AK9: variants seen among roughly 807,000 people sequenced by gnomAD.
AK9 encodes adenylate kinase 9.
AK9 carries 191 observed loss-of-function variants against 239.6 expected under a neutral mutation model. The ratio of observed to expected loss-of-function variants is 0.80; its 90% CI spans 0.71 to 0.90. The LOEUF is 0.90. Ranked by LOEUF, AK9 falls within the 40% of genes least tolerant of loss-of-function variation. The pLI is 0.00. For synonymous variants in AK9, 689 were observed against 721.0 expected, an observed-to-expected ratio of 0.96 and a Z score of 0.71; for missense variants, 1,995 against 2,214.7, an observed-to-expected ratio of 0.90 and a Z score of 1.99.
chr6:109,507,535 G>A (rs1475653655), intron 33 of AK9, among the ~76,000 whole-genome samples: 1 of 151,974 alleles, frequency 6.6e-6, no homozygotes, highest in East Asian at 1.9e-4. Context: ...AATAGGTTGA[G>A]ATAATGAGAT....
intron 9 of AK9, among the ~76,000 whole-genome samples, chr6:109,643,379 A>G (rs531691447): frequency 2.6e-5 from 4 of 152,328 alleles, no homozygotes; most frequent in East Asian, 1.9e-4. Context: ...CTTAATTCCC[A>G]TATTAAGTTA....
intron 9 of AK9, among the ~76,000 whole-genome samples, chr6:109,642,319 C>G (rs1797554602): frequency 6.6e-6 from 1 of 152,150 alleles, no homozygotes; most frequent in Non-Finnish European, 1.5e-5. Context: ...ATAAAAGAGG[C>G]CAGCACACAG....
rs533167948 is a variant in AK9 at position 109,601,317 on chromosome 6, C to T, written c.1842+9048G>A. Among the ~76,000 whole-genome samples, 534 of 152,244 alleles carry T rather than the reference C, an allele frequency of 3.5e-3. 8 individuals carry two copies. The highest frequency in any genetic ancestry group is 0.012 in the African/African-American group (511 of 41,530). ...GTTTCAAAGAACATCTTTATTTCTG[C>T]TTTCATTTCGTTATGTACCCAGTAG... On this transcript the variant is annotated intron_variant, in intron 17 of 40. Transcript: ENST00000424296.
chr6:109,544,073 C>T (rs1178198559), intron 26 of AK9, among the ~76,000 whole-genome samples: 1 of 152,004 alleles, frequency 6.6e-6, no homozygotes, highest in East Asian at 2.0e-4. Flanking sequence ...GAGCTGAGAT[C>T]ACACCACTGC....
chr6:109,567,260 C>G (rs138981689), intron 21 of AK9, among the ~76,000 whole-genome samples: 4,381 of 152,126 alleles, frequency 0.029, 100 homozygotes, highest in East Asian at 0.11. Flanking sequence ...CACCACTAAT[C>G]CCACAGAAAT....
intron 23 of AK9, 129 bp from the exon 24 acceptor site, chr6:109,563,841 AT>A: frequency 8.2e-7 from 1 of 1,221,510 alleles, no homozygotes; most frequent in Non-Finnish European, 1.1e-6. Context: ...ATGTATGCAA[AT>A]AGGCCTTTAT....
At chr6:109,561,253 G>C (rs563530381) in intron 24 of AK9, among the ~76,000 whole-genome samples, 65 of 150,856 alleles carry the variant, frequency 4.3e-4, no homozygotes, top group African/African-American at 1.5e-3. Flanking sequence ...TGCCCAGCTT[G>C]CCTTCGTTTT....
chr6:109,585,722 A>G (rs1789422303), intron 18 of AK9, among the ~76,000 whole-genome samples, 194 bp downstream of exon 18: 1 of 152,130 alleles, frequency 6.6e-6, no homozygotes, highest in African/African-American at 2.4e-5. Context: ...TAGAACATTC[A>G]ACCATCCGGC....
chr6:109,537,632 C>T (rs1388640410), intron 27 of AK9, among the ~76,000 whole-genome samples: 1 of 150,878 alleles, frequency 6.6e-6, no homozygotes, highest in African/African-American at 2.4e-5. Context: ...TTAGTTATTT[C>T]TTGCCTTCTG....
chr6:109,504,395 G>C (rs1020173845), intron 35 of AK9, among the ~76,000 whole-genome samples: 4 of 152,008 alleles, frequency 2.6e-5, no homozygotes, highest in Non-Finnish European at 5.9e-5. Flanking sequence ...AAGAATACCT[G>C]TTTAAGTTTG....
At chr6:109,534,824 C>T (rs1781760926) in intron 27 of AK9, among the ~76,000 whole-genome samples, 1 of 151,670 alleles carries the variant, frequency 6.6e-6, no homozygotes, top group Non-Finnish European at 1.5e-5. Context: ...TCTCATTGTT[C>T]AATTCCCACC....
chr6:109,565,251 A>T (rs1046862965), intron 21 of AK9, among the ~76,000 whole-genome samples: 1 of 152,116 alleles, frequency 6.6e-6, no homozygotes, highest in Non-Finnish European at 1.5e-5. Context: ...CAGAGGTGGG[A>T]GAATCACTTA....
chr6:109,629,238 C>T (rs907921045), intron 12 of AK9, among the ~76,000 whole-genome samples: 3 of 151,952 alleles, frequency 2.0e-5, no homozygotes, highest in Non-Finnish European at 4.4e-5. Flanking sequence ...GCCACCATGC[C>T]AGCCGATTTT....
chr6:109,616,605 A>G (rs1218030791), intron 13 of AK9, among the ~76,000 whole-genome samples: 1 of 151,790 alleles, frequency 6.6e-6, no homozygotes, highest in African/African-American at 2.4e-5. Context: ...TTGAACTCTT[A>G]GCCTCAAGAG....
chr6:109,579,501 G>A, intron 20 of AK9, 49 bp downstream of exon 20: 1 of 1,489,966 alleles, frequency 6.7e-7, no homozygotes. Flanking sequence ...GCAATTGCTT[G>A]CAGTAACAAT....
chr6:109,515,263 G>A (rs988679247), intron 31 of AK9, among the ~76,000 whole-genome samples: 1 of 152,114 alleles, frequency 6.6e-6, no homozygotes, highest in African/African-American at 2.4e-5. Context: ...ATATTTTTGT[G>A]TAGTTCAAAT....
At chr6:109,629,696 G>C (rs1247743905) in intron 12 of AK9, among the ~76,000 whole-genome samples, 3 of 151,360 alleles carry the variant, frequency 2.0e-5, no homozygotes, top group African/African-American at 4.9e-5. Context: ...GCAGCGGCGC[G>C]ATCTCGGCTC....
chr6:109,604,138 G>A (rs1040881577), intron 17 of AK9, among the ~76,000 whole-genome samples: 7 of 152,108 alleles, frequency 4.6e-5, no homozygotes, highest in African/African-American at 1.2e-4. Flanking sequence ...TTGGAAATGC[G>A]GAAATCACCC....
chr6:109,579,455 A>C, intron 20 of AK9, 95 bp downstream of exon 20: 2 of 1,206,936 alleles, frequency 1.7e-6, no homozygotes, highest in Non-Finnish European at 2.3e-6. Context: ...AAATTGGGAA[A>C]TGTGATCACC....
Sources: allele counts gnomAD v4.1 joint callset (sites outside exome capture counted in the v4.1 genomes callset), GRCh38; gene constraint gnomAD v4.1.1; transcripts MANE v1.5; gene names NCBI Gene and HGNC (gene_info 2026-07-23, HGNC 2026-07-21).